The following SUCLG2 variants were observed in gnomAD, a reference collection of about 807,000 sequenced individuals.
SUCLG2 encodes the protein succinate-CoA ligase GDP-forming subunit beta, also known as succinate--CoA ligase [GDP-forming] subunit beta, mitochondrial.
A neutral mutation model predicts 47.9 loss-of-function variants in SUCLG2; 42 were observed. That is an observed-to-expected ratio of 0.88 (90% confidence interval 0.69 to 1.14). The LOEUF (loss-of-function observed/expected upper bound fraction) is 1.14, where lower values mean the gene tolerates loss of function less well. Ranked by LOEUF, SUCLG2 falls within the 50% of genes most tolerant of loss-of-function variation. The pLI is 0.00. For synonymous variants in SUCLG2, 195 were observed against 197.3 expected, an observed-to-expected ratio of 0.99 and a Z score of 0.10; for missense variants, 571 against 525.9, an observed-to-expected ratio of 1.09 and a Z score of -0.84.
chr3:67,578,497 T>C (rs1707801514), intron 2 of SUCLG2, among the ~76,000 whole-genome samples: 1 of 152,154 alleles, frequency 6.6e-6, no homozygotes, highest in East Asian at 1.9e-4. Flanking sequence ...AAAATGTGTA[T>C]GCCAAATCTT....
At chr3:67,578,254 TAAAA>T (rs546270610) in intron 2 of SUCLG2, among the ~76,000 whole-genome samples, 6 of 139,110 alleles carry the variant, frequency 4.3e-5, no homozygotes, top group African/African-American at 1.8e-4. Context: ...ATATCATATA[TAAAA>T]AAATTTTATA....
intron 2 of SUCLG2, among the ~76,000 whole-genome samples, chr3:67,585,991 AC>A (rs1404807851): frequency 0.15 from 6,878 of 47,122 alleles, 735 homozygotes; most frequent in South Asian, 0.18. Context: ...AAAAAAAAAA[AC>A]CAAACCCACA....
At chr3:67,390,183 CT>C (rs1248956955) in intron 10 of SUCLG2, among the ~76,000 whole-genome samples, 1 of 152,206 alleles carries the variant, frequency 6.6e-6, no homozygotes, top group African/African-American at 2.4e-5. Flanking sequence ...TTTGTAACTA[CT>C]ACCTATTTCC....
chr3:67,557,551 A>ATATATTTTATTTTATTTTATC (rs1334456806), intron 2 of SUCLG2, among the ~76,000 whole-genome samples: 7 of 152,136 alleles, frequency 4.6e-5, no homozygotes, highest in East Asian at 3.9e-4. Context: ...TGCAGACCTC[A>ATATATTTTATTTTATTTTATC]TGTTTTTATT....
At chr3:67,417,472 A>C (rs898047911) in intron 9 of SUCLG2, among the ~76,000 whole-genome samples, 1 of 152,268 alleles carries the variant, frequency 6.6e-6, no homozygotes, top group Admixed American at 6.5e-5. Flanking sequence ...TTCACCTAGC[A>C]CTACATTCAT....
chr3:67,507,136 G>A (rs1026303881), intron 7 of SUCLG2, among the ~76,000 whole-genome samples: 1 of 152,100 alleles, frequency 6.6e-6, no homozygotes, highest in African/African-American at 2.4e-5. Flanking sequence ...ATAAGCTCAA[G>A]AAACAGCTTC....
intron 9 of SUCLG2, among the ~76,000 whole-genome samples, chr3:67,479,781 T>C (rs181807686): frequency 4.9e-4 from 74 of 152,358 alleles, no homozygotes; most frequent in African/African-American, 1.7e-3. Flanking sequence ...ATAAAGTTTA[T>C]AGAAAGTCAC....
intron 10 of SUCLG2, among the ~76,000 whole-genome samples, chr3:67,398,906 T>C (rs1446874136): frequency 6.6e-6 from 1 of 150,758 alleles, no homozygotes; most frequent in Non-Finnish European, 1.5e-5. Flanking sequence ...TCATTCTCAG[T>C]AAACTATCGC....
intron 1 of SUCLG2, among the ~76,000 whole-genome samples, chr3:67,618,968 A>G (rs9828970): frequency 0.46 from 69,802 of 151,644 alleles, 16,448 homozygotes; most frequent in African/African-American, 0.55. Flanking sequence ...TGTTCCATTG[A>G]CAACGCATCT....
intron 2 of SUCLG2, among the ~76,000 whole-genome samples, chr3:67,581,775 T>C (rs1002683817): frequency 2.0e-5 from 3 of 152,190 alleles, no homozygotes; most frequent in Admixed American, 6.5e-5. Flanking sequence ...AGCACTAAAG[T>C]ACCTACGGGA....
chr3:67,505,251 AG>A (rs1406311155), intron 7 of SUCLG2, among the ~76,000 whole-genome samples: 2 of 152,202 alleles, frequency 1.3e-5, no homozygotes, highest in African/African-American at 4.8e-5. Flanking sequence ...GGAGGCAAGC[AG>A]GGCTGGAGAA....
chr3:67,467,406 C>A (rs1704501198), intron 9 of SUCLG2, among the ~76,000 whole-genome samples: 1 of 152,152 alleles, frequency 6.6e-6, no homozygotes, highest in African/African-American at 2.4e-5. Context: ...CTAGAGAGAA[C>A]AACTTTGACA....
chr3:67,571,978 G>A (rs576913560), intron 2 of SUCLG2, among the ~76,000 whole-genome samples: 1 of 152,260 alleles, frequency 6.6e-6, no homozygotes, highest in South Asian at 2.1e-4. Context: ...GTTACCATAA[G>A]AGGCAATGAC....
At chr3:67,576,217 T>G (rs7629697) in intron 2 of SUCLG2, among the ~76,000 whole-genome samples, 40,617 of 152,070 alleles carry the variant, frequency 0.27, 6,222 homozygotes, top group East Asian at 0.42. Context: ...GTCAACACAG[T>G]TCTCAAGAAA....
At chr3:67,567,516 C>T (rs886236528) in intron 2 of SUCLG2, among the ~76,000 whole-genome samples, 2 of 152,012 alleles carry the variant, frequency 1.3e-5, no homozygotes, top group African/African-American at 2.4e-5. Context: ...TGGCCTCAAG[C>T]GATCCTGCCA....
chr3:67,430,360 T>C (rs1458260658), intron 9 of SUCLG2, among the ~76,000 whole-genome samples: 1 of 152,084 alleles, frequency 6.6e-6, no homozygotes, highest in East Asian at 1.9e-4. Flanking sequence ...ACTGGGTACA[T>C]AACAAAATGA....
chr3:67,495,234 G>A (rs1054850084), intron 9 of SUCLG2, among the ~76,000 whole-genome samples: 1 of 152,044 alleles, frequency 6.6e-6, no homozygotes, highest in Non-Finnish European at 1.5e-5. Flanking sequence ...CCAATGTTTC[G>A]ACTGGCACAC....
At chr3:67,457,567 G>C (rs1704216477) in intron 9 of SUCLG2, among the ~76,000 whole-genome samples, 1 of 151,558 alleles carries the variant, frequency 6.6e-6, no homozygotes, top group Admixed American at 6.6e-5. Context: ...GAGGAAAACT[G>C]TGGATAGTGG....
chr3:67,581,898 C>A (rs1471318766), intron 2 of SUCLG2, among the ~76,000 whole-genome samples: 1 of 152,136 alleles, frequency 6.6e-6, no homozygotes, highest in African/African-American at 2.4e-5. Context: ...ATTTAATGTG[C>A]AGAAATGGTA....
Sources: gnomAD v4.1 joint callset for allele counts (sites outside exome capture counted in the v4.1 genomes callset) on GRCh38, gnomAD v4.1.1 for gene constraint, MANE v1.5 for transcripts, NCBI Gene and HGNC (gene_info 2026-07-23, HGNC 2026-07-21) for gene names.